The following KLF17 variants were observed in gnomAD, a reference collection of about 807,000 sequenced individuals.
KLF17 encodes KLF transcription factor 17.
KLF17 carries 31 observed loss-of-function variants against 34.2 expected under a neutral mutation model. That is an observed-to-expected ratio of 0.91 (90% CI 0.68 to 1.22). The LOEUF (loss-of-function observed/expected upper bound fraction) is 1.22. KLF17 is among the 50% of genes most tolerant of loss of function. KLF17 has a pLI of 0.00. For synonymous variants in KLF17, 179 were observed against 186.7 expected, an observed-to-expected ratio of 0.96 and a Z score of 0.34; for missense variants, 478 against 505.2, an observed-to-expected ratio of 0.95 and a Z score of 0.52.
At chr1:44,087,382 A>G in the KLF17 span, among the ~76,000 whole-genome samples, 5 of 151,842 alleles carry the variant, frequency 3.3e-5, no homozygotes, top group Non-Finnish European at 7.4e-5. Context: ...CAGCCTCCCA[A>G]GTAGCTAGGA....
the KLF17 span, among the ~76,000 whole-genome samples, chr1:44,084,201 C>A: frequency 6.6e-6 from 1 of 152,136 alleles, no homozygotes; most frequent in Non-Finnish European, 1.5e-5. Context: ...ACATTTTAAC[C>A]AATTTATGTT....
the KLF17 span, chr1:44,069,872 C>T: frequency 1.3e-5 from 2 of 152,256 alleles, no homozygotes; most frequent in African/African-American, 4.8e-5. This position sits in a 1 kb window ranked among gnomAD's most constrained non-coding sequence, Gnocchi z 4.7. Flanking sequence ...TGCTCTTGTC[C>T]AACCTTAGCA....
At chr1:44,044,296 GC>G in the KLF17 span, among the ~76,000 whole-genome samples, 1 of 152,222 alleles carries the variant, frequency 6.6e-6, no homozygotes, top group Non-Finnish European at 1.5e-5. Flanking sequence ...CAGATTTGTA[GC>G]TGGCGTGGGG....
rs568478701 is a variant in KLF17, at chr1:44,129,286, G to A, written c.82-67G>A. The A allele has an allele frequency of 2.5e-5, 37 of 1,492,118 alleles. No homozygotes were observed. In the African/African-American group the frequency reaches 4.9e-4, roughly 20 times the overall value. 92.4% of individuals were successfully genotyped at this position (1,492,118 alleles called of 1,614,324 possible). On this transcript the variant is annotated intron_variant, in intron 1 of 3. Transcript: ENST00000372299. ...GAGGGCTGGATTAGGATGGGGTCTG[G>A]GGATGAAGAGGAGGAACATGTGGAA...
the KLF17 span, among the ~76,000 whole-genome samples, chr1:44,113,283 A>G: frequency 6.6e-6 from 1 of 152,000 alleles, no homozygotes; most frequent in African/African-American, 2.4e-5. Flanking sequence ...TTAACCACAG[A>G]CCACACTTTG....
the KLF17 span, among the ~76,000 whole-genome samples, chr1:44,054,320 A>G: frequency 6.6e-6 from 1 of 151,994 alleles, no homozygotes; most frequent in African/African-American, 2.4e-5. Context: ...AAAAGCCAAA[A>G]AGTTGGCCAA....
the KLF17 span, among the ~76,000 whole-genome samples, chr1:44,099,926 G>GAAA: frequency 3.8e-5 from 4 of 104,866 alleles, no homozygotes; most frequent in East Asian, 1.2e-3. Context: ...AGAAAAGAAA[G>GAAA]GGAGGGAGGG....
At chr1:44,127,622 T>G (rs2088026099) in intron 1 of KLF17, among the ~76,000 whole-genome samples, 1 of 65,224 alleles carries the variant, frequency 1.5e-5, no homozygotes, top group Non-Finnish European at 3.4e-5. Context: ...TTCTTTTCTT[T>G]TCTTTTCTTT....
chr1:44,086,610 C>T, the KLF17 span, among the ~76,000 whole-genome samples: 9 of 152,188 alleles, frequency 5.9e-5, no homozygotes, highest in Non-Finnish European at 1.5e-5. Flanking sequence ...AGTTCAGAAG[C>T]TAGTACAGCA....
chr1:44,124,805 T>C (rs964682401), intron 1 of KLF17, among the ~76,000 whole-genome samples: 1 of 152,142 alleles, frequency 6.6e-6, no homozygotes, highest in Non-Finnish European at 1.5e-5. Flanking sequence ...CCCTTTTGTA[T>C]GTATTCTCTA....
chr1:44,099,928 G>A, the KLF17 span, among the ~76,000 whole-genome samples: 34,491 of 120,524 alleles, frequency 0.29, 7,529 homozygotes, highest in Middle Eastern at 0.35. Context: ...AAAAGAAAGG[G>A]AGGGAGGGAG....
the KLF17 span, among the ~76,000 whole-genome samples, chr1:44,098,783 C>T: frequency 5.3e-5 from 8 of 151,996 alleles, no homozygotes; most frequent in East Asian, 5.8e-4. Flanking sequence ...ATCTCCTGAC[C>T]TTGTGATCCG....
the KLF17 span, among the ~76,000 whole-genome samples, chr1:44,101,259 C>T: frequency 6.6e-6 from 1 of 152,110 alleles, no homozygotes; most frequent in Non-Finnish European, 1.5e-5. Flanking sequence ...TACAGAACCA[C>T]AATATAAACC....
chr1:44,122,603 T>G (rs990604194), intron 1 of KLF17: 18 of 570,600 alleles, frequency 3.2e-5, no homozygotes, highest in Middle Eastern at 5.7e-4. Flanking sequence ...CCGTTTTTGG[T>G]TTTTTTTTTG....
the KLF17 span, among the ~76,000 whole-genome samples, chr1:44,090,416 C>G: frequency 6.8e-6 from 1 of 147,592 alleles, no homozygotes; most frequent in African/African-American, 2.5e-5. Context: ...AACTGGATGA[C>G]AGAGAATTCC....
the KLF17 span, among the ~76,000 whole-genome samples, chr1:44,083,902 G>A: frequency 1.4e-4 from 21 of 152,022 alleles, no homozygotes; most frequent in Admixed American, 2.6e-4. Context: ...AGTACAAGCC[G>A]GGATCGTCCT....
the KLF17 span, among the ~76,000 whole-genome samples, chr1:44,105,845 G>T: frequency 6.6e-6 from 1 of 152,128 alleles, no homozygotes; most frequent in Non-Finnish European, 1.5e-5. Flanking sequence ...ACTTTGGCCA[G>T]AAGCTAGAGC....
the KLF17 span, among the ~76,000 whole-genome samples, chr1:44,047,084 A>G: frequency 0.057 from 8,596 of 151,586 alleles, 271 homozygotes; most frequent in Middle Eastern, 0.12. Context: ...ATGTCCTTGA[A>G]AGTATTTATG....
chr1:44,127,666 CTTTCTTTCTTTCTTTCTTTCTTTCTT>C (rs2088033475), intron 1 of KLF17, among the ~76,000 whole-genome samples: 6 of 40,358 alleles, frequency 1.5e-4, no homozygotes, highest in Admixed American at 9.9e-4. Flanking sequence ...TTCTTTCTTT[CTTTCTTTCTTTCTTTCTTTCTTTCTT>C]TTTCTTTCTT....
Sources: gnomAD v4.1 joint callset for allele counts (sites outside exome capture counted in the v4.1 genomes callset) on GRCh38, gnomAD v4.1.1 for gene constraint, Gnocchi (gnomAD v3.1) non-coding constraint, MANE v1.5 for transcripts, NCBI Gene and HGNC (gene_info 2026-07-23, HGNC 2026-07-21) for gene names.